The following PCSK5 variants were observed in gnomAD, a reference collection of about 807,000 sequenced individuals.
The protein encoded by PCSK5 is prohormone convertase 5.
A neutral mutation model predicts 233.2 loss-of-function variants in PCSK5; 129 were observed. The observed-to-expected ratio is 0.55, with a 90% CI of 0.48 to 0.64. The LOEUF is 0.64. PCSK5 is among the 30% of genes least tolerant of loss of function. The pLI is 0.00. For missense variants in PCSK5, 2,076 were observed against 2,430.1 expected, an observed-to-expected ratio of 0.85 and a Z score of 3.06; for synonymous variants, 825 against 879.2, an observed-to-expected ratio of 0.94 and a Z score of 1.09.
chr9:76,096,945 T>A (rs924304404), intron 8 of PCSK5, among the ~76,000 whole-genome samples: 2 of 151,598 alleles, frequency 1.3e-5, no homozygotes, highest in Admixed American at 6.6e-5. Context: ...TTTATTTTTT[T>A]TTTTGAGACA....
rs527643419 is a variant in PCSK5 at position 76,009,224 on chromosome 9, T to A, written c.412-14514T>A. Reference sequence around the variant, plus strand: ...GTGATCATAACATATTATTTCCTAATGAAATGTGAGGATAACAAAAAAAAG... The same window carrying A: ...GTGATCATAACATATTATTTCCTAAAGAAATGTGAGGATAACAAAAAAAAG... On this transcript the variant is annotated intron_variant, in intron 3 of 37. Coordinates refer to ENST00000674117, the MANE Select transcript of PCSK5 (RefSeq NM_001372043.1). Among the ~76,000 whole-genome samples the A allele has an allele frequency of 1.6e-4, 25 of 152,320 alleles. No individual in the cohort carries two copies. The South Asian group carries it at 5.2e-3, about 32-fold the overall frequency.
In PCSK5 at chr9:75,891,137, C is replaced by A. The variant is rs757808581; in HGVS notation, c.-45C>A. ...AAGTTAGTTGTGCGCGCCCTTAGTG[C>A]GCGGAACCAGCCAGCGAGCGAGGGA... On this transcript the variant is annotated 5_prime_UTR_variant, in exon 1 of 38. Transcript: ENST00000674117. The A allele has an allele frequency of 1.2e-5, 17 of 1,424,156 alleles. 1 individual carries two copies. The East Asian group carries it at 4.8e-4, about 40-fold the overall frequency. 88.2% of individuals were successfully genotyped at this position (1,424,156 alleles called of 1,614,324 possible).
At chr9:75,941,956 A>C (rs574429334) in intron 2 of PCSK5, among the ~76,000 whole-genome samples, 2 of 152,372 alleles carry the variant, frequency 1.3e-5, no homozygotes, top group Admixed American at 6.5e-5. Flanking sequence ...AAATTATTTA[A>C]AAAATGATTT....
At chr9:76,055,376 T>G (rs1309309994) in intron 5 of PCSK5, among the ~76,000 whole-genome samples, 1 of 152,174 alleles carries the variant, frequency 6.6e-6, no homozygotes, top group African/African-American at 2.4e-5. Context: ...TCACCACAAA[T>G]AGACTATATG....
At chr9:76,148,360 T>C (rs1564062036) in intron 10 of PCSK5, among the ~76,000 whole-genome samples, 1 of 133,612 alleles carries the variant, frequency 7.5e-6, no homozygotes, top group South Asian at 2.9e-4. Flanking sequence ...TCCCTCTCTC[T>C]CCCTCTCTCT....
At chr9:75,963,330 A>G (rs941820953) in intron 2 of PCSK5, among the ~76,000 whole-genome samples, 1 of 152,152 alleles carries the variant, frequency 6.6e-6, no homozygotes, top group Non-Finnish European at 1.5e-5. Flanking sequence ...TTATTCTCAC[A>G]TTTTCAATTC....
chr9:76,232,161 G>A (rs1428675811), intron 21 of PCSK5, among the ~76,000 whole-genome samples: 1 of 152,142 alleles, frequency 6.6e-6, no homozygotes, highest in Non-Finnish European at 1.5e-5. Context: ...GTTTAAACAA[G>A]CCAGTGCCAA....
At chr9:75,942,844 T>C (rs1385691804) in intron 2 of PCSK5, among the ~76,000 whole-genome samples, 2 of 152,054 alleles carry the variant, frequency 1.3e-5, no homozygotes, top group Non-Finnish European at 2.9e-5. Flanking sequence ...TATAAAATCT[T>C]TACTTTTTCT....
At chr9:76,268,680 CA>C (rs547279857) in intron 24 of PCSK5, among the ~76,000 whole-genome samples, 1 of 151,830 alleles carries the variant, frequency 6.6e-6, no homozygotes, top group Non-Finnish European at 1.5e-5. Context: ...CTCATCTCTA[CA>C]AAAAAATACA....
intron 3 of PCSK5, among the ~76,000 whole-genome samples, chr9:75,991,896 CA>C (rs1826782476): frequency 6.6e-6 from 1 of 151,724 alleles, no homozygotes; most frequent in Non-Finnish European, 1.5e-5. Flanking sequence ...ACAGCCTAGG[CA>C]ACATAGCGAG....
chr9:75,999,224 C>T (rs35577725), intron 3 of PCSK5, among the ~76,000 whole-genome samples: 19,385 of 152,102 alleles, frequency 0.13, 1,372 homozygotes, highest in Middle Eastern at 0.21. Flanking sequence ...CCCCAGCCCC[C>T]AACAGGCCTC....
In PCSK5 at chr9:76,240,777, G is replaced by A. The variant is rs1826406165; in HGVS notation, c.3142+93G>A. 8 of 826,914 alleles carry A rather than the reference G, an allele frequency of 9.7e-6. No individual in the cohort carries two copies. The South Asian group carries it at 1.2e-4, about 12-fold the overall frequency. The allele number at this position is 826,914 out of a possible 1,614,324, so 51.2% of individuals were successfully genotyped here. On this transcript the variant is annotated intron_variant, in intron 24 of 37. Coordinates refer to ENST00000674117, the MANE Select transcript of PCSK5 (RefSeq NM_001372043.1). ...TGTCATTGCCCCAGCAGGCACTCTT[G>A]TCATTGCTGTCAGCCTCAGTGACAC...
intron 12 of PCSK5, among the ~76,000 whole-genome samples, chr9:76,159,816 C>CTTTT (rs386415165): frequency 2.7e-3 from 267 of 97,550 alleles, no homozygotes; most frequent in Middle Eastern, 6.7e-3. Context: ...CTCTTCAGTC[C>CTTTT]TTTTTTTTTT....
chr9:76,332,351 G>A (rs1029850936), intron 33 of PCSK5, 82 bp from the exon 34 acceptor site: 34 of 1,010,158 alleles, frequency 3.4e-5, no homozygotes, highest in Admixed American at 2.6e-4. Context: ...CCTCCCTCCC[G>A]CCATGGTACA....
chr9:75,951,884 G>A (rs1005409098), intron 2 of PCSK5, among the ~76,000 whole-genome samples: 9 of 151,996 alleles, frequency 5.9e-5, no homozygotes, highest in South Asian at 2.1e-4. Context: ...CTCCTCCATC[G>A]CAGTTGTGGA....
chr9:76,104,900 C>G (rs1481578386), intron 8 of PCSK5, among the ~76,000 whole-genome samples: 1 of 152,136 alleles, frequency 6.6e-6, no homozygotes, highest in Non-Finnish European at 1.5e-5. Flanking sequence ...ATCTGGACAC[C>G]TGGAAACAAG....
intron 24 of PCSK5, among the ~76,000 whole-genome samples, chr9:76,291,441 GGAA>G (rs1828275262): frequency 6.6e-6 from 1 of 152,208 alleles, no homozygotes; most frequent in African/African-American, 2.4e-5. Context: ...GAGCAAGACT[GGAA>G]GGTAGGTTAG....
intron 9 of PCSK5, among the ~76,000 whole-genome samples, chr9:76,109,980 TCTAAAA>T (rs1487301144): frequency 6.6e-6 from 1 of 152,158 alleles, no homozygotes; most frequent in Non-Finnish European, 1.5e-5. Context: ...CTGCAGTTGC[TCTAAAA>T]CTAAACCTAA....
chr9:76,328,618 C>T (rs963206396), intron 33 of PCSK5, among the ~76,000 whole-genome samples: 29 of 152,172 alleles, frequency 1.9e-4, no homozygotes, highest in Non-Finnish European at 2.9e-5. Flanking sequence ...TGGCCCCTTT[C>T]CCATAAATAT....
Sources: allele counts gnomAD v4.1 joint callset (sites outside exome capture counted in the v4.1 genomes callset), GRCh38; gene constraint gnomAD v4.1.1; transcripts MANE v1.5; gene names NCBI Gene and HGNC (gene_info 2026-07-23, HGNC 2026-07-21).